The following THSD7B variants were observed in gnomAD, a reference collection of about 807,000 sequenced individuals.
THSD7B encodes the protein thrombospondin type-1 domain-containing protein 7B.
Under a neutral mutation model 213.6 loss-of-function variants are expected in THSD7B, and 138 were observed. The ratio of observed to expected loss-of-function variants is 0.65; its 90% CI spans 0.56 to 0.74. The LOEUF (loss-of-function observed/expected upper bound fraction) is 0.74. Ranked by LOEUF, THSD7B falls within the 30% of genes least tolerant of loss-of-function variation. THSD7B has a pLI of 0.00. For missense variants in THSD7B, 1,931 were observed against 1,991.5 expected (o/e 0.97, Z 0.58); for synonymous variants, 742 against 687.0 (o/e 1.08, Z -1.25).
intron 1 of THSD7B, among the ~76,000 whole-genome samples, chr2:136,768,343 A>G (rs1681444263): frequency 6.6e-6 from 1 of 152,228 alleles, no homozygotes; most frequent in Non-Finnish European, 1.5e-5. Flanking sequence ...AAGCATGTCA[A>G]CTCACTTTAA....
chr2:137,627,250 C>T (rs1208257348), intron 20 of THSD7B, among the ~76,000 whole-genome samples: 1 of 152,198 alleles, frequency 6.6e-6, no homozygotes, highest in Non-Finnish European at 1.5e-5. Context: ...ACGAGGAATC[C>T]TCACCTATGA....
intron 2 of THSD7B, among the ~76,000 whole-genome samples, chr2:137,028,089 G>C (rs185471293): frequency 1.3e-5 from 2 of 152,180 alleles, no homozygotes; most frequent in East Asian, 3.9e-4. Flanking sequence ...ATTAAATAGA[G>C]CTTCATTTCT....
At chr2:137,220,497 GACA>G (rs1283931442) in intron 7 of THSD7B, among the ~76,000 whole-genome samples, 2 of 152,116 alleles carry the variant, frequency 1.3e-5, no homozygotes, top group Non-Finnish European at 2.9e-5. Flanking sequence ...CTATAAGAAT[GACA>G]ACAATTCAAT....
intron 1 of THSD7B, among the ~76,000 whole-genome samples, chr2:136,821,783 T>C (rs1434788696): frequency 2.0e-5 from 3 of 152,174 alleles, no homozygotes; most frequent in Non-Finnish European, 2.9e-5. Context: ...GGGGCTTCTA[T>C]GGGAGCCTTC....
chr2:136,927,097 A>C (rs1441081503), intron 2 of THSD7B, among the ~76,000 whole-genome samples: 1 of 151,950 alleles, frequency 6.6e-6, no homozygotes, highest in Non-Finnish European at 1.5e-5. Flanking sequence ...TGCCTCAGCT[A>C]TATATTCTGT....
intron 7 of THSD7B, among the ~76,000 whole-genome samples, chr2:137,201,295 G>C (rs1009358254): frequency 2.0e-5 from 3 of 152,106 alleles, no homozygotes; most frequent in African/African-American, 7.2e-5. Context: ...GTGTGCACAC[G>C]CACCACATTT....
At chr2:137,382,341 G>A (rs73958848) in intron 12 of THSD7B, among the ~76,000 whole-genome samples, 18 of 152,332 alleles carry the variant, frequency 1.2e-4, no homozygotes, top group African/African-American at 4.3e-4. Context: ...TGCCTTCCTG[G>A]CAGCCAAGGG....
At chr2:137,078,777 G>A (rs181038094) in intron 3 of THSD7B, among the ~76,000 whole-genome samples, 61 of 152,010 alleles carry the variant, frequency 4.0e-4, no homozygotes, top group African/African-American at 1.2e-3. Context: ...AATGGATCCC[G>A]TAGATTCTTA....
rs139280559 is a variant in THSD7B, at chr2:137,334,170, T to TTCTCTCTC, written c.2500+58168_2500+58175dup. The stretch of plus-strand genomic sequence containing the variant: ...ATCATTCATTTCTTTCTTTCTCTCT[T>TTCTCTCTC]TCTCTCTCTCTCTCTCTCTCTCTCT... On this transcript the variant is annotated intron_variant, in intron 12 of 27. Coordinates refer to ENST00000409968, the MANE Select transcript of THSD7B (RefSeq NM_001316349.2). Among the ~76,000 whole-genome samples, 155 of 148,930 alleles carry TTCTCTCTC rather than the reference T, an allele frequency of 1.0e-3. 1 individual carries two copies. The highest frequency in any genetic ancestry group is 3.7e-3 in the African/African-American group (149 of 39,964).
intron 5 of THSD7B, among the ~76,000 whole-genome samples, chr2:137,125,072 A>G (rs776845608): frequency 1.3e-5 from 2 of 152,144 alleles, no homozygotes; most frequent in African/African-American, 4.8e-5. Flanking sequence ...AGCCATTTCT[A>G]TTTGAATAAT....
intron 1 of THSD7B, among the ~76,000 whole-genome samples, chr2:136,850,091 A>G (rs957170638): frequency 3.9e-5 from 6 of 152,034 alleles, no homozygotes; most frequent in African/African-American, 1.4e-4. Context: ...ATTTTTAAAC[A>G]TACCTCTATG....
At chr2:137,620,850 A>G in intron 20 of THSD7B, 124 bp downstream of exon 20, 2 of 743,834 alleles carry the variant, frequency 2.7e-6, no homozygotes, top group Non-Finnish European at 2.2e-6. Flanking sequence ...ACTGACCCAC[A>G]GGGGAAGAAA....
chr2:137,029,657 A>G (rs1476670827), intron 2 of THSD7B, among the ~76,000 whole-genome samples: 4 of 152,174 alleles, frequency 2.6e-5, no homozygotes, highest in African/African-American at 4.8e-5. Context: ...TTACCTCTCT[A>G]GATCCAAGGG....
chr2:137,331,761 G>A (rs890536003), intron 12 of THSD7B, among the ~76,000 whole-genome samples: 3 of 152,224 alleles, frequency 2.0e-5, no homozygotes, highest in African/African-American at 7.2e-5. Context: ...CCGAGGGAAG[G>A]CAGCTAAGGC....
rs1042171275 is a variant in THSD7B, at chr2:137,534,015, C to T, written c.3139-29206C>T. 9.6e-4 allele frequency among the ~76,000 whole-genome samples: 126 copies of T among 131,206 alleles called. 4 individuals carry two copies. Among genetic ancestry groups the T allele is most frequent in the African/African-American group, 2.8e-3 (94 of 33,076 alleles). 86.1% of individuals were successfully genotyped at this position (131,206 alleles called of 152,430 possible). On this transcript the variant is annotated intron_variant, in intron 15 of 27. Transcript: ENST00000409968. Reference sequence around the variant, plus strand: ...GTGCACATGTATGTGTGTGTGTGTGCGCGCACACACACACACACACACACA... The same window carrying T: ...GTGCACATGTATGTGTGTGTGTGTGTGCGCACACACACACACACACACACA...
chr2:136,788,459 A>G (rs1035766318), intron 1 of THSD7B, among the ~76,000 whole-genome samples: 10 of 152,224 alleles, frequency 6.6e-5, no homozygotes, highest in African/African-American at 9.6e-5. Context: ...TGTTTGTTTT[A>G]TAGTCATGCA....
intron 2 of THSD7B, among the ~76,000 whole-genome samples, chr2:136,903,107 G>A (rs1347988702): frequency 6.6e-6 from 1 of 152,044 alleles, no homozygotes; most frequent in Non-Finnish European, 1.5e-5. Flanking sequence ...ATTTACGATG[G>A]CCCTTGCCAG....
At chr2:137,352,554 G>C (rs1262162314) in intron 12 of THSD7B, among the ~76,000 whole-genome samples, 1 of 151,920 alleles carries the variant, frequency 6.6e-6, no homozygotes, top group African/African-American at 2.4e-5. Context: ...ATGGTTTATG[G>C]GGTTTACCTG....
intron 2 of THSD7B, among the ~76,000 whole-genome samples, chr2:137,026,734 TCTTA>T (rs1686563142): frequency 6.6e-6 from 1 of 152,202 alleles, no homozygotes. Flanking sequence ...ACACTCATAC[TCTTA>T]CTTTTGTTTT....
Sources: allele counts gnomAD v4.1 joint callset (sites outside exome capture counted in the v4.1 genomes callset), GRCh38; gene constraint gnomAD v4.1.1; transcripts MANE v1.5; gene names NCBI Gene and HGNC (gene_info 2026-07-23, HGNC 2026-07-21).